Variants in ABTB3 observed in about 807,000 individuals in gnomAD.
ABTB3 encodes ankyrin repeat- and BTB/POZ domain-containing protein 3.
At chr12:107,588,523 TTTTG>T in the ABTB3 span, among the ~76,000 whole-genome samples, 12 of 152,042 alleles carry the variant, frequency 7.9e-5, no homozygotes, top group East Asian at 3.9e-4. Context: ...GTGTGGTGTT[TTTTG>T]TTTGTTTGTT....
the ABTB3 span, among the ~76,000 whole-genome samples, chr12:107,445,712 G>A: frequency 3.9e-5 from 6 of 152,088 alleles, no homozygotes; most frequent in South Asian, 2.1e-4. Flanking sequence ...CCCTAAAATC[G>A]AGGTGTCAGT....
the ABTB3 span, among the ~76,000 whole-genome samples, chr12:107,464,778 A>G: frequency 6.6e-6 from 1 of 152,172 alleles, no homozygotes; most frequent in Non-Finnish European, 1.5e-5. Flanking sequence ...GTGGTTCTCT[A>G]TCAAAGGCAG....
chr12:107,544,679 C>T, the ABTB3 span, among the ~76,000 whole-genome samples: 1 of 152,152 alleles, frequency 6.6e-6, no homozygotes, highest in Non-Finnish European at 1.5e-5. Flanking sequence ...TGTCTGCCTC[C>T]CCACTTCCTT....
At chr12:107,377,388 T>A in the ABTB3 span, among the ~76,000 whole-genome samples, 1 of 140,452 alleles carries the variant, frequency 7.1e-6, no homozygotes, top group South Asian at 2.4e-4. Flanking sequence ...AACACTTCCT[T>A]GAGAGAGAGA....
At chr12:107,548,740 T>G in the ABTB3 span, among the ~76,000 whole-genome samples, 28 of 152,230 alleles carry the variant, frequency 1.8e-4, no homozygotes, top group Non-Finnish European at 5.9e-5. Flanking sequence ...CACCTTAATT[T>G]TGATGGGAGG....
chr12:107,375,412 T>C, the ABTB3 span, among the ~76,000 whole-genome samples: 1 of 147,034 alleles, frequency 6.8e-6, no homozygotes, highest in South Asian at 2.3e-4. Flanking sequence ...GAGTGAGACC[T>C]GGTGTCAGAA....
the ABTB3 span, among the ~76,000 whole-genome samples, chr12:107,370,257 G>C: frequency 1.3e-5 from 2 of 152,078 alleles, no homozygotes; most frequent in Non-Finnish European, 2.9e-5. Flanking sequence ...CAGTTCTTTC[G>C]TTCCTTCTGT....
chr12:107,440,231 T>C, the ABTB3 span, among the ~76,000 whole-genome samples: 3 of 152,132 alleles, frequency 2.0e-5, no homozygotes, highest in African/African-American at 7.2e-5. Context: ...GCTTACAAGG[T>C]TCTGTGGGTT....
chr12:107,511,757 C>T, the ABTB3 span, among the ~76,000 whole-genome samples: 1 of 152,078 alleles, frequency 6.6e-6, no homozygotes, highest in East Asian at 1.9e-4. Flanking sequence ...TGCATATAGA[C>T]AGGGGTGAAA....
At chr12:107,319,740 G>A in the ABTB3 span, 120 of 1,525,740 alleles carry the variant, frequency 7.9e-5, no homozygotes, top group South Asian at 6.8e-4. Context: ...CCTGGGTCAG[G>A]CTCGGGCTCC....
chr12:107,494,953 C>T, the ABTB3 span, among the ~76,000 whole-genome samples: 1 of 152,196 alleles, frequency 6.6e-6, no homozygotes, highest in Non-Finnish European at 1.5e-5. Flanking sequence ...TCTCCTACCA[C>T]GGGACTGTGG....
the ABTB3 span, among the ~76,000 whole-genome samples, chr12:107,566,648 TACACACACACACACAC>T: frequency 2.9e-5 from 4 of 136,368 alleles, no homozygotes; most frequent in African/African-American, 1.2e-4. Flanking sequence ...CTAATTTAAA[TACACACACACACACAC>T]ACACACACAC....
At chr12:107,463,715 T>C in the ABTB3 span, among the ~76,000 whole-genome samples, 1 of 152,238 alleles carries the variant, frequency 6.6e-6, no homozygotes. Context: ...GCACCAGGCA[T>C]GTGCTGGGTG....
the ABTB3 span, among the ~76,000 whole-genome samples, chr12:107,594,796 C>G: frequency 1.3e-5 from 2 of 152,088 alleles, no homozygotes; most frequent in African/African-American, 4.8e-5. Context: ...ATTTTATTGT[C>G]ATGCTTACAA....
At chr12:107,622,349 G>A in the ABTB3 span, among the ~76,000 whole-genome samples, 1 of 152,172 alleles carries the variant, frequency 6.6e-6, no homozygotes, top group Non-Finnish European at 1.5e-5. Flanking sequence ...GGGAGATGAT[G>A]ACAGAGAAAT....
chr12:107,640,199 A>T, the ABTB3 span: 1 of 597,554 alleles, frequency 1.7e-6, no homozygotes, highest in African/African-American at 1.9e-5. Context: ...GCCAAAGAGT[A>T]TTTTATCACC....
chr12:107,374,035 C>T, the ABTB3 span, among the ~76,000 whole-genome samples: 3 of 152,114 alleles, frequency 2.0e-5, no homozygotes, highest in African/African-American at 7.2e-5. Context: ...CAGAGTGAGC[C>T]CACTGAGTCT....
At chr12:107,451,138 T>C in the ABTB3 span, among the ~76,000 whole-genome samples, 1 of 152,076 alleles carries the variant, frequency 6.6e-6, no homozygotes, top group Non-Finnish European at 1.5e-5. Context: ...CTTTGATAGG[T>C]TTGAAAGAAG....
the ABTB3 span, among the ~76,000 whole-genome samples, chr12:107,502,435 A>T: frequency 6.6e-6 from 1 of 152,162 alleles, no homozygotes; most frequent in African/African-American, 2.4e-5. Context: ...CTGAGGCAAT[A>T]TAGCACCACC....
Sources: gnomAD v4.1 joint callset for allele counts (sites outside exome capture counted in the v4.1 genomes callset) on GRCh38, gnomAD v4.1.1 for gene constraint, MANE v1.5 for transcripts, NCBI Gene and HGNC (gene_info 2026-07-23, HGNC 2026-07-21) for gene names.